Variants in MIS18BP1 observed in about 807,000 individuals in gnomAD.
MIS18BP1 encodes MIS18 binding protein 1.
MIS18BP1 carries 72 observed loss-of-function variants against 116.1 expected under a neutral mutation model. The observed-to-expected ratio is 0.62, with a 90% confidence interval of 0.51 to 0.75. The LOEUF (loss-of-function observed/expected upper bound fraction) is 0.75. Ranked by LOEUF, MIS18BP1 falls within the 30% of genes least tolerant of loss-of-function variation. The pLI is 0.00. For synonymous variants in MIS18BP1, 386 were observed against 427.0 expected, an observed-to-expected ratio of 0.90 and a Z score of 1.18; for missense variants, 1,363 against 1,303.2, an observed-to-expected ratio of 1.05 and a Z score of -0.71.
At position 45,203,735 on chromosome 14, in the gene MIS18BP1, CCT is replaced by C. The variant is rs1230423837; in HGVS notation, c.*372_*373del. 3 of 154,742 alleles carry C rather than the reference CCT, an allele frequency of 1.9e-5. No individual in the cohort carries two copies. The highest frequency in any genetic ancestry group is 6.5e-5 in the Admixed American group (1 of 15,282). The allele number at this position is 154,742 out of a possible 1,614,324, so 9.6% of individuals were successfully genotyped here. ...ATGAATTCAATAGCTACCAATACAA[CCT>C]CTGTCATCCTTCTCACCTTCTCTTA... On this transcript the variant is annotated 3_prime_UTR_variant, in exon 17 of 17. Coordinates refer to ENST00000310806, the MANE Select transcript of MIS18BP1 (RefSeq NM_018353.5).
At chr14:45,214,119 G>A (rs1890749042) in intron 13 of MIS18BP1, among the ~76,000 whole-genome samples, 1 of 152,118 alleles carries the variant, frequency 6.6e-6, no homozygotes, top group South Asian at 2.1e-4. Flanking sequence ...AGACCTTACT[G>A]TCCCCCAGCC....
chr14:45,251,291 T>C (rs190742585), intron 1 of MIS18BP1, among the ~76,000 whole-genome samples: 28 of 152,308 alleles, frequency 1.8e-4, no homozygotes, highest in African/African-American at 6.7e-4. Flanking sequence ...GAATAGGTTA[T>C]AATATATAGC....
intron 5 of MIS18BP1, among the ~76,000 whole-genome samples, chr14:45,237,009 T>C (rs982721263): frequency 6.8e-6 from 1 of 148,106 alleles, no homozygotes; most frequent in Non-Finnish European, 1.5e-5. Context: ...TAAACAGTTA[T>C]AACTTTTTTT....
At chr14:45,226,664 A>T in intron 10 of MIS18BP1, 79 bp downstream of exon 10, 1 of 1,107,506 alleles carries the variant, frequency 9.0e-7, no homozygotes, top group Non-Finnish European at 1.2e-6. Context: ...GAAATTTACA[A>T]GATCACTTTT....
At chr14:45,241,120 T>A (rs1041191427) in intron 4 of MIS18BP1, among the ~76,000 whole-genome samples, 3 of 152,132 alleles carry the variant, frequency 2.0e-5, no homozygotes, top group African/African-American at 7.2e-5. Flanking sequence ...TAATTATTAA[T>A]TAAAATTTAG....
In MIS18BP1 at chr14:45,242,786, T is replaced by C. The variant is rs1891618306; in HGVS notation, c.633A>G (p.Lys211=). 1 of 1,613,032 alleles carries C rather than the reference T, an allele frequency of 6.2e-7. No homozygotes were observed. Among genetic ancestry groups the C allele is most frequent in the Non-Finnish European group, 8.5e-7 (1 of 1,179,452 alleles). ...CGTAAGTTAAATTGTGCAGTGGTGC[T>C]TTCTTTTCCTGCTGGCACTGAATCT... ...KQKIQCQQEK[K]APLHNLTYEL... Residue 211 remains lysine (K), a synonymous_variant, in exon 3 of 17, where the codon AAA becomes AAG. Coordinates refer to ENST00000310806, the MANE Select transcript of MIS18BP1 (RefSeq NM_018353.5).
rs774658777 is a variant in MIS18BP1 at position 45,206,075 on chromosome 14, A to C, written c.3240+8T>G. 22 of 1,556,128 alleles carry C rather than the reference A, an allele frequency of 1.4e-5. No individual in the cohort carries two copies. Among genetic ancestry groups the C allele is most frequent in the Middle Eastern group, 3.4e-4 (2 of 5,962 alleles). ...ATAGATATGTATTGGATAAAGAAAAATACTTACTAATTTTTTCTTGATGTT... is the reference window on the plus strand; with the variant it reads ...ATAGATATGTATTGGATAAAGAAAACTACTTACTAATTTTTTCTTGATGTT... On this transcript the variant is annotated splice_region_variant and intron_variant, in intron 15 of 16. Transcript: ENST00000310806.
chr14:45,247,019 G>C lies in MIS18BP1; in HGVS notation c.268C>G (p.Leu90Val). The C allele has an allele frequency of 6.2e-7, 1 of 1,613,464 alleles. No homozygotes were observed. Among genetic ancestry groups the C allele is most frequent in the East Asian group, 2.2e-5 (1 of 44,840 alleles). Residue 90 changes from leucine to valine, a missense_variant, in exon 2 of 17, where the codon CTT becomes GTT. By Grantham distance (32) the Leu-to-Val change is conservative (BLOSUM62 1). Coordinates refer to ENST00000310806, the MANE Select transcript of MIS18BP1 (RefSeq NM_018353.5). ...TTGGGCTTTATAGCACTGATATCAA[G>C]AGAACTGTTAGAGGTAGTAGCCTCT... ...LTEATTSNSS[L>V]DISAIKPNKD...
At chr14:45,243,401 G>T (rs1327619615) in intron 2 of MIS18BP1, among the ~76,000 whole-genome samples, 1 of 152,034 alleles carries the variant, frequency 6.6e-6, no homozygotes, top group Non-Finnish European at 1.5e-5. Context: ...GCCTTCAAAT[G>T]CTCAGAAGTT....
chr14:45,231,004 C>T, intron 8 of MIS18BP1, 137 bp downstream of exon 8: 1 of 758,882 alleles, frequency 1.3e-6, no homozygotes, highest in East Asian at 3.0e-5. Context: ...AGTGAAGAAG[C>T]AGGAATGTGG....
rs567637370 is a variant in MIS18BP1 at position 45,246,945 on chromosome 14, T to C, written c.342A>G (p.Ile114Met). The change falls in exon 2 of 17, where the codon ATA becomes ATG. Residue 114 changes from isoleucine to methionine, a missense_variant. Ile to Met is a conservative substitution (Grantham distance 10). Transcript: ENST00000310806. Reference sequence around the variant, plus strand: ...GTACTTTTTCTTTCATTCTTAGAAATATTTTTCCTGGTGATTCATAGTTTG... The same window carrying C: ...GTACTTTTTCTTTCATTCTTAGAAACATTTTTCCTGGTGATTCATAGTTTG... ...NKANYESPGK[I>M]FLRMKEKVLR... 3.7e-6 allele frequency: 6 copies of C among 1,604,816 alleles called. No individual in the cohort carries two copies. The South Asian group carries it at 6.8e-5, about 18-fold the overall frequency.
At chr14:45,218,978 T>C (rs114431714) in intron 11 of MIS18BP1, among the ~76,000 whole-genome samples, 1,578 of 152,176 alleles carry the variant, frequency 0.01, 36 homozygotes, top group African/African-American at 0.036. Flanking sequence ...AAAATGAAAA[T>C]TGAAATAGAG....
At chr14:45,249,999 A>G (rs968628407) in intron 1 of MIS18BP1, 2 of 152,244 alleles carry the variant, frequency 1.3e-5, no homozygotes, top group African/African-American at 4.8e-5. Context: ...AAAAAATGCA[A>G]ATAAGCGAGC....
In MIS18BP1 at chr14:45,218,360, A is replaced by AT; in HGVS notation, c.2763dup (p.Tyr922IlefsTer16). The AT allele has an allele frequency of 6.2e-7, 1 of 1,613,972 alleles. No homozygotes were observed. The highest frequency in any genetic ancestry group is 8.5e-7 in the Non-Finnish European group (1 of 1,179,998). On this transcript the variant is annotated frameshift_variant, in exon 12 of 17. Transcript: ENST00000310806. LOFTEE classifies it high-confidence loss of function. ...CCTTTTCCTCTGGGATTTTCCATGT[A>AT]TTTCCTCTGGCATTCTTCAGGAGAT...
chr14:45,210,163 A>T (rs999147102), intron 14 of MIS18BP1: 5 of 423,888 alleles, frequency 1.2e-5, no homozygotes, highest in Non-Finnish European at 2.0e-5. Context: ...TTTCGAATTG[A>T]TCCAGAAGTA....
At position 45,204,463 on chromosome 14, in the gene MIS18BP1, A is replaced by C. The variant is rs777441409; in HGVS notation, c.3241-10T>G. 6.3e-7 allele frequency: 1 copy of C among 1,584,098 alleles called. No homozygotes were observed. The highest frequency in any genetic ancestry group is 1.9e-5 in the Admixed American group (1 of 52,468). ...AGAAATCAGTTTCAACCTATAAAAG[A>C]GTTACTATTAATAGCTAAATGGTAC... On this transcript the variant is annotated splice_polypyrimidine_tract_variant and intron_variant, in intron 15 of 16. Coordinates refer to ENST00000310806, the MANE Select transcript of MIS18BP1 (RefSeq NM_018353.5).
In MIS18BP1 at chr14:45,224,432, A is replaced by C. The variant is rs866771341; in HGVS notation, c.2155T>G (p.Leu719Val). The change falls in exon 11 of 17, where the codon TTA becomes GTA. Residue 719 changes from leucine to valine, a missense_variant. Physicochemically the swap from Leu to Val is conservative, Grantham distance 32 (BLOSUM62 1). Transcript: ENST00000310806. ...KNKEDCDERDLLTVNRKIKIS... is the reference protein window; with the variant it reads ...KNKEDCDERDVLTVNRKIKIS... The stretch of plus-strand genomic sequence containing the variant: ...TTTATTTTCCGGTTGACAGTAAGTA[A>C]GTCACGTTCATCGCAATCTTCCTTG... The C allele has an allele frequency of 6.2e-7, 1 of 1,614,006 alleles. No homozygotes were observed. The highest frequency in any genetic ancestry group is 2.2e-5 in the East Asian group (1 of 44,870).
rs900373236 is a variant in MIS18BP1 at position 45,247,324 on chromosome 14, A to G, written c.-38T>C. 6.7e-7 allele frequency: 1 copy of G among 1,499,080 alleles called. No homozygotes were observed. Among genetic ancestry groups the G allele is most frequent in the African/African-American group, 1.4e-5 (1 of 71,382 alleles). The allele number at this position is 1,499,080 out of a possible 1,614,324, so 92.9% of individuals were successfully genotyped here. On this transcript the variant is annotated 5_prime_UTR_variant, in exon 2 of 17. Transcript: ENST00000310806. Reference sequence around the variant, plus strand: ...GTAGCAACCAAGTTCTTCTAACAGAAAATTCACTTAAGCGCAATTTTCAGA... The same window carrying G: ...GTAGCAACCAAGTTCTTCTAACAGAGAATTCACTTAAGCGCAATTTTCAGA...
In MIS18BP1 at chr14:45,224,378, G is replaced by A. The variant is rs1346818615; in HGVS notation, c.2209C>T (p.Leu737Phe). The change falls in exon 11 of 17, where the codon CTC (leucine) becomes TTC (phenylalanine). Residue 737 changes from leucine (L) to phenylalanine (F), a missense_variant. Transcript: ENST00000310806. ...KISNLEKEQMLTSDFKKNTRL... is the reference protein window; with the variant it reads ...KISNLEKEQMFTSDFKKNTRL... ...GTATTTTTCTTAAAGTCAGAGGTGA[G>A]CATTTGTTCCTTTTCAAGGTTAGAT... The A allele has an allele frequency of 6.2e-7, 1 of 1,613,386 alleles. No homozygotes were observed. The highest frequency in any genetic ancestry group is 8.5e-7 in the Non-Finnish European group (1 of 1,179,828).
Sources: allele counts gnomAD v4.1 joint callset (sites outside exome capture counted in the v4.1 genomes callset), GRCh38; gene constraint gnomAD v4.1.1; transcripts MANE v1.5; gene names NCBI Gene and HGNC (gene_info 2026-07-23, HGNC 2026-07-21).